ELAC2: variants seen among roughly 807,000 people sequenced by gnomAD.
ELAC2 encodes the protein elaC ribonuclease Z 2, also known as zinc phosphodiesterase ELAC protein 2.
ELAC2 carries 92 observed loss-of-function variants against 105.2 expected under a neutral mutation model. That is an observed-to-expected ratio of 0.87 (90% CI 0.74 to 1.04). The LOEUF is 1.04. Among genes scored for constraint, ELAC2 ranks in the 50% least tolerant of loss-of-function variants. ELAC2 has a pLI of 0.00. For missense variants in ELAC2, 1,099 were observed against 1,071.7 expected (o/e 1.03, Z -0.36); for synonymous variants, 468 against 409.1 (o/e 1.14, Z -1.74).
chr17:12,996,243 G>A (rs1388535004), intron 17 of ELAC2: 2 of 627,284 alleles, frequency 3.2e-6, no homozygotes, highest in Non-Finnish European at 5.6e-6. Context: ...GGGTCTCATA[G>A]CCACACCTCC....
chr17:13,004,860 T>C, intron 11 of ELAC2, 129 bp downstream of exon 11: 1 of 794,406 alleles, frequency 1.3e-6, no homozygotes, highest in Non-Finnish European at 2.2e-6. Context: ...AAGGCAGGAG[T>C]GCCGGCCTCT....
intron 1 of ELAC2, chr17:13,017,501 G>C: frequency 8.8e-7 from 1 of 1,138,790 alleles, no homozygotes; most frequent in Non-Finnish European, 1.2e-6. Context: ...TCAGACCCAG[G>C]CCTGAAGTTC....
chr17:13,012,663 C>T (rs192770786), intron 6 of ELAC2, among the ~76,000 whole-genome samples: 55 of 152,194 alleles, frequency 3.6e-4, no homozygotes, highest in Non-Finnish European at 2.6e-4. Context: ...AGGAAATACC[C>T]CTACTGCTTG....
chr17:13,015,510 G>A (rs916300042), intron 4 of ELAC2, among the ~76,000 whole-genome samples: 2 of 152,164 alleles, frequency 1.3e-5, no homozygotes, highest in East Asian at 1.9e-4. Flanking sequence ...GTGCTGCTAC[G>A]TCATTTAATC....
chr17:13,017,195 T>C (rs2041784348), intron 1 of ELAC2, 74 bp from the exon 2 acceptor site: 1 of 1,354,978 alleles, frequency 7.4e-7, no homozygotes, highest in Non-Finnish European at 1.1e-6. Flanking sequence ...TTAGATGTTT[T>C]ATTGTAGACT....
chr17:12,993,889 G>C, intron 22 of ELAC2, 58 bp from the exon 23 acceptor site: 1 of 1,612,336 alleles, frequency 6.2e-7, no homozygotes, highest in Non-Finnish European at 8.5e-7. Flanking sequence ...CTGCAAAGCA[G>C]ACAGTGGCAC....
chr17:13,015,180 C>T (rs990592057), intron 4 of ELAC2, among the ~76,000 whole-genome samples: 8 of 152,004 alleles, frequency 5.3e-5, no homozygotes, highest in African/African-American at 1.9e-4. Flanking sequence ...TACAGGAAGG[C>T]GAGAATGAAT....
intron 15 of ELAC2, 61 bp downstream of exon 15, chr17:13,000,095 G>A: frequency 1.3e-6 from 2 of 1,525,210 alleles, no homozygotes; most frequent in South Asian, 1.1e-5. Context: ...CTTAATGCTA[G>A]GAAAACAGCA....
intron 15 of ELAC2, among the ~76,000 whole-genome samples, chr17:12,999,672 T>TC (rs1005365197): frequency 1.1e-3 from 164 of 151,524 alleles, no homozygotes; most frequent in Admixed American, 2.2e-3. Context: ...GGGATTTTTT[T>TC]TTTTGAGACG....
rs2041417756 is a variant in ELAC2 at position 13,011,648 on chromosome 17, T to C, written c.679+15A>G. On this transcript the variant is annotated intron_variant, in intron 7 of 23. Transcript: ENST00000338034. ...CGCAAGCCTTTCTGCTGCTCTGTTTTGTTTATACTATTACCATGTGGAAGG... is the reference window on the plus strand; with the variant it reads ...CGCAAGCCTTTCTGCTGCTCTGTTTCGTTTATACTATTACCATGTGGAAGG... The C allele has an allele frequency of 6.2e-7, 1 of 1,614,228 alleles. No homozygotes were observed. The highest frequency in any genetic ancestry group is 1.7e-5 in the Admixed American group (1 of 60,028).
Position 13,017,773 on chromosome 17 carries a change from A to T in ELAC2, c.175T>A (p.Tyr59Asn), listed in dbSNP as rs778366328. Residue 59 changes from tyrosine to asparagine, a missense_variant, in exon 1 of 24, where the codon TAC becomes AAC. Tyr to Asn is a moderately radical substitution (Grantham distance 143, BLOSUM62 -2). Coordinates refer to ENST00000338034, the MANE Select transcript of ELAC2 (RefSeq NM_018127.7). ...CTACCCGCTGCCACCACCTGCAGGTACACGGTGTTTGGGCCGCCGGAGCAC... is the reference window on the plus strand; with the variant it reads ...CTACCCGCTGCCACCACCTGCAGGTTCACGGTGTTTGGGCCGCCGGAGCAC... ...SGCSGGPNTVYLQVVAAGSRD... is the reference protein window; with the variant it reads ...SGCSGGPNTVNLQVVAAGSRD... The T allele has an allele frequency of 1.2e-6, 2 of 1,611,374 alleles. No individual in the cohort carries two copies. The highest frequency in any genetic ancestry group is 8.5e-7 in the Non-Finnish European group (1 of 1,179,268).
rs1275605186 is a variant in ELAC2 at position 13,014,508 on chromosome 17, C to A, written c.433-12G>T. 2 of 1,604,622 alleles carry A rather than the reference C, an allele frequency of 1.2e-6. No homozygotes were observed. Among genetic ancestry groups the A allele is most frequent in the South Asian group, 1.1e-5 (1 of 90,878 alleles). On this transcript the variant is annotated splice_polypyrimidine_tract_variant and intron_variant, in intron 4 of 23. Coordinates refer to ENST00000338034, the MANE Select transcript of ELAC2 (RefSeq NM_018127.7). ...TCGAGGTATTTTTCCTAATGAAAAA[C>A]AAAGAAATGAGCAGTTATGGTTGAA...
Position 12,994,582 on chromosome 17 carries a change from G to C in ELAC2, c.2030-79C>G, listed in dbSNP as rs563445630. 1.3e-5 allele frequency: 20 copies of C among 1,597,080 alleles called. No homozygotes were observed. In the African/African-American group the frequency reaches 2.0e-4, roughly 16 times the overall value. The stretch of plus-strand genomic sequence containing the variant: ...GGCCTCAGTCACGTGCTGTTTCCTG[G>C]TCTCAACACTCAGCTCCCCTGGCCC... On this transcript the variant is annotated intron_variant, in intron 21 of 23. Coordinates refer to ENST00000338034, the MANE Select transcript of ELAC2 (RefSeq NM_018127.7).
intron 11 of ELAC2, 112 bp from the exon 12 acceptor site, chr17:13,003,686 C>G (rs1265611675): frequency 1.1e-6 from 1 of 915,434 alleles, no homozygotes; most frequent in Non-Finnish European, 1.8e-6. Flanking sequence ...CTGCAGTGAG[C>G]TGACAGCCTC....
At chr17:13,017,344 G>A (rs1384010018) in intron 1 of ELAC2, 1 of 634,072 alleles carries the variant, frequency 1.6e-6, no homozygotes, top group African/African-American at 1.8e-5. Context: ...AGGACAAAAT[G>A]AGTCCTTTCT....
chr17:12,992,050 A>ACTT lies in ELAC2; in HGVS notation c.*765_*767dup, dbSNP rs1027491114. ...ACAACACAGCAAATCTATTGTCTCC[A>ACTT]CTTTTACCCAGAACCACCAGAAGAC... On this transcript the variant is annotated 3_prime_UTR_variant, in exon 24 of 24. Coordinates refer to ENST00000338034, the MANE Select transcript of ELAC2 (RefSeq NM_018127.7). Among the ~76,000 whole-genome samples the ACTT allele has an allele frequency of 1.7e-4, 26 of 152,290 alleles. No individual in the cohort carries two copies. The highest frequency in any genetic ancestry group is 4.1e-4 in the African/African-American group (17 of 41,570).
intron 14 of ELAC2, 53 bp downstream of exon 14, chr17:13,002,221 A>C (rs906163090): frequency 6.3e-7 from 1 of 1,594,184 alleles, no homozygotes; most frequent in African/African-American, 1.3e-5. Flanking sequence ...CTATTTACAG[A>C]AATGTTTCCC....
Position 12,995,752 on chromosome 17 carries a change from A to G in ELAC2, c.1759T>C (p.Trp587Arg). 1 of 1,613,152 alleles carries G rather than the reference A, an allele frequency of 6.2e-7. No individual in the cohort carries two copies. The highest frequency in any genetic ancestry group is 8.5e-7 in the Non-Finnish European group (1 of 1,179,634). Residue 587 changes from tryptophan to arginine, a missense_variant, in exon 19 of 24, where the codon TGG becomes CGG. Coordinates refer to ENST00000338034, the MANE Select transcript of ELAC2 (RefSeq NM_018127.7). ...LVVAPNQLKA[W>R]LQQYHNQCQE... ...CACTGGTTGTGGTACTGCTGGAGCC[A>G]GGCTTTGAGCTGGTTGGGGGCAACC...
intron 14 of ELAC2, among the ~76,000 whole-genome samples, chr17:13,001,890 T>A (rs750940772): frequency 3.3e-5 from 5 of 152,224 alleles, no homozygotes; most frequent in Admixed American, 1.3e-4. Flanking sequence ...CAAAATGTTA[T>A]CAATCATTAT....
Sources: gnomAD v4.1 joint callset for allele counts (sites outside exome capture counted in the v4.1 genomes callset) on GRCh38, gnomAD v4.1.1 for gene constraint, MANE v1.5 for transcripts, NCBI Gene and HGNC (gene_info 2026-07-23, HGNC 2026-07-21) for gene names.